IMMP2L: variants seen among roughly 807,000 people sequenced by gnomAD.
The protein encoded by IMMP2L is inner mitochondrial membrane peptidase subunit 2, also known as mitochondrial inner membrane protease subunit 2.
Under a neutral mutation model 19.3 loss-of-function variants are expected in IMMP2L, and 18 were observed. The observed-to-expected ratio is 0.93, with a 90% CI of 0.64 to 1.38. The LOEUF (loss-of-function observed/expected upper bound fraction) is 1.38. IMMP2L is among the 40% of genes most tolerant of loss of function. The probability of loss-of-function intolerance (pLI) is 0.00; values close to 1 mark genes in which losing one functional copy is unlikely to be tolerated. For synonymous variants in IMMP2L, 76 were observed against 73.0 expected, an observed-to-expected ratio of 1.04 and a Z score of -0.21; for missense variants, 233 against 218.2, an observed-to-expected ratio of 1.07 and a Z score of -0.43.
intron 4 of IMMP2L, among the ~76,000 whole-genome samples, chr7:110,936,516 G>C (rs1270687914): frequency 6.6e-6 from 1 of 152,210 alleles, no homozygotes; most frequent in Non-Finnish European, 1.5e-5. Flanking sequence ...TCTCACACCA[G>C]TTAGAATGGC....
At chr7:111,036,784 G>A (rs1429267638) in intron 3 of IMMP2L, among the ~76,000 whole-genome samples, 2 of 152,098 alleles carry the variant, frequency 1.3e-5, no homozygotes, top group Non-Finnish European at 2.9e-5. Context: ...TAGTTTCTGA[G>A]TTTTGGATAG....
At chr7:111,460,516 A>G (rs1248871859) in intron 3 of IMMP2L, among the ~76,000 whole-genome samples, 1 of 152,058 alleles carries the variant, frequency 6.6e-6, no homozygotes, top group Non-Finnish European at 1.5e-5. Flanking sequence ...TTCGTGGGAG[A>G]TTTTTTAATA....
chr7:110,924,143 G>A lies in IMMP2L; in HGVS notation c.306-37448C>T, dbSNP rs1814589266. On this transcript the variant is annotated intron_variant, in intron 4 of 5. Coordinates refer to ENST00000405709, the MANE Select transcript of IMMP2L (RefSeq NM_032549.4). This position sits in a 1 kb window ranked among gnomAD's most constrained non-coding sequence, Gnocchi z 4.2. Reference sequence around the variant, plus strand: ...TCCTCACTTTGTGATTTCACATAGAGCACTGATTCATTTGAACAGGCAACC... The same window carrying A: ...TCCTCACTTTGTGATTTCACATAGAACACTGATTCATTTGAACAGGCAACC... 6.6e-6 allele frequency among the ~76,000 whole-genome samples: 1 copy of A among 152,170 alleles called. No individual in the cohort carries two copies. Among genetic ancestry groups the A allele is most frequent in the Non-Finnish European group, 1.5e-5 (1 of 68,034 alleles).
chr7:111,311,869 T>G (rs1477467912), intron 3 of IMMP2L, among the ~76,000 whole-genome samples: 1 of 152,178 alleles, frequency 6.6e-6, no homozygotes, highest in Non-Finnish European at 1.5e-5. Flanking sequence ...TTCCAGTGAT[T>G]ACACTGGGAC....
chr7:110,681,005 G>A (rs1007888198), intron 5 of IMMP2L, among the ~76,000 whole-genome samples: 11 of 151,770 alleles, frequency 7.2e-5, no homozygotes, highest in Admixed American at 2.0e-4. Flanking sequence ...TCTGTAAGCT[G>A]GCCAATATTC....
chr7:110,871,587 T>C (rs1808542688), intron 5 of IMMP2L, among the ~76,000 whole-genome samples: 1 of 152,100 alleles, frequency 6.6e-6, no homozygotes, highest in South Asian at 2.1e-4. Flanking sequence ...ATGAACGTGA[T>C]GCTGACAAAG....
At chr7:111,551,592 C>T (rs946658250) in intron 1 of IMMP2L, among the ~76,000 whole-genome samples, 3 of 150,382 alleles carry the variant, frequency 2.0e-5, no homozygotes, top group Admixed American at 6.7e-5. Context: ...ACAAAGAGTC[C>T]AAATATCTGA....
intron 3 of IMMP2L, among the ~76,000 whole-genome samples, chr7:111,273,427 T>G (rs761217944): frequency 1.3e-5 from 2 of 152,090 alleles, no homozygotes; most frequent in Admixed American, 6.6e-5. Flanking sequence ...GAGGTTACCA[T>G]GAGCTCATAG....
intron 3 of IMMP2L, among the ~76,000 whole-genome samples, chr7:111,086,266 G>GAA (rs569989200): frequency 1.5e-5 from 2 of 129,308 alleles, no homozygotes; most frequent in Middle Eastern, 3.8e-3. Context: ...AAAAAAAAAA[G>GAA]AAAAAAAAAA....
chr7:111,072,951 T>G (rs1795087457), intron 3 of IMMP2L, among the ~76,000 whole-genome samples: 4 of 148,822 alleles, frequency 2.7e-5, no homozygotes, highest in African/African-American at 9.9e-5. Context: ...CTGACAGTAA[T>G]GCATGATCCT....
intron 3 of IMMP2L, among the ~76,000 whole-genome samples, chr7:111,310,627 T>C (rs980301037): frequency 1.3e-5 from 2 of 152,164 alleles, no homozygotes; most frequent in African/African-American, 4.8e-5. Context: ...AAATTTCTTA[T>C]CCTTATTTAA....
chr7:110,821,981 G>T (rs1355940927), intron 5 of IMMP2L, among the ~76,000 whole-genome samples: 2 of 152,028 alleles, frequency 1.3e-5, no homozygotes, highest in Non-Finnish European at 2.9e-5. Context: ...AACATAGTCA[G>T]AAACTTGGGA....
At chr7:111,269,430 A>G (rs1318286673) in intron 3 of IMMP2L, among the ~76,000 whole-genome samples, 3 of 152,208 alleles carry the variant, frequency 2.0e-5, no homozygotes, top group Non-Finnish European at 4.4e-5. Context: ...ATGCAAATAA[A>G]TGTAAAATAA....
chr7:111,184,784 C>T (rs955063106), intron 3 of IMMP2L, among the ~76,000 whole-genome samples: 1 of 106,538 alleles, frequency 9.4e-6, no homozygotes, highest in Admixed American at 1.0e-4. Context: ...TGTGTGTGTG[C>T]ATTTGTGTGT....
intron 3 of IMMP2L, among the ~76,000 whole-genome samples, chr7:111,062,136 G>C (rs538775098): frequency 6.6e-6 from 1 of 152,266 alleles, no homozygotes; most frequent in Non-Finnish European, 1.5e-5. Context: ...TGCTGGTAAA[G>C]ACACACCTGA....
At chr7:111,149,175 T>C (rs962515730) in intron 3 of IMMP2L, among the ~76,000 whole-genome samples, 4 of 152,168 alleles carry the variant, frequency 2.6e-5, no homozygotes, top group African/African-American at 9.7e-5. Context: ...AATCCCTTCA[T>C]GTTTTATAAT....
chr7:110,988,456 T>G (rs527913742), intron 3 of IMMP2L, among the ~76,000 whole-genome samples: 88 of 152,322 alleles, frequency 5.8e-4, no homozygotes, highest in African/African-American at 2.1e-3. Context: ...AATATTGTGA[T>G]GTGGCCACAG....
intron 5 of IMMP2L, among the ~76,000 whole-genome samples, chr7:110,785,834 T>C (rs1239024445): frequency 6.6e-6 from 1 of 151,980 alleles, no homozygotes; most frequent in Admixed American, 6.6e-5. Context: ...CTATGATCTA[T>C]AACACTAATT....
intron 5 of IMMP2L, among the ~76,000 whole-genome samples, chr7:110,876,946 TC>T (rs1445666415): frequency 6.6e-6 from 1 of 152,156 alleles, no homozygotes; most frequent in East Asian, 1.9e-4. Context: ...AACTAATCTT[TC>T]TAAAGTTATC....
Sources: allele counts gnomAD v4.1 joint callset (sites outside exome capture counted in the v4.1 genomes callset), GRCh38; gene constraint gnomAD v4.1.1; non-coding constraint Gnocchi (gnomAD v3.1); transcripts MANE v1.5; gene names NCBI Gene and HGNC (gene_info 2026-07-23, HGNC 2026-07-21).